ARHGAP26: variants seen among roughly 807,000 people sequenced by gnomAD.
The protein encoded by ARHGAP26 is rho GTPase-activating protein 26.
A neutral mutation model predicts 104.8 loss-of-function variants in ARHGAP26; 38 were observed. The ratio of observed to expected loss-of-function variants is 0.36; its 90% CI spans 0.28 to 0.48. The LOEUF is 0.48. Among genes scored for constraint, ARHGAP26 ranks in the 20% least tolerant of loss-of-function variants. The probability of loss-of-function intolerance (pLI) is 0.99; values close to 1 mark genes in which losing one functional copy is unlikely to be tolerated. For missense variants in ARHGAP26, 704 were observed against 947.9 expected, an observed-to-expected ratio of 0.74 and a Z score of 3.38; for synonymous variants, 341 against 340.0, an observed-to-expected ratio of 1.00 and a Z score of -0.03.
chr5:142,873,800 A>G (rs1406547849), intron 2 of ARHGAP26, among the ~76,000 whole-genome samples: 2 of 151,786 alleles, frequency 1.3e-5, no homozygotes, highest in East Asian at 3.8e-4. Context: ...CTTCAACCAT[A>G]GTACTAAGAG....
intron 1 of ARHGAP26, among the ~76,000 whole-genome samples, chr5:142,779,310 TTG>T (rs1757011217): frequency 6.6e-6 from 1 of 152,142 alleles, no homozygotes; most frequent in Non-Finnish European, 1.5e-5. Context: ...CATGGCATGT[TTG>T]TGTCTGGCTC....
Position 142,922,322 on chromosome 5 carries a change from C to T in ARHGAP26, c.1028+9029C>T, listed in dbSNP as rs940683314. On this transcript the variant is annotated intron_variant, in intron 10 of 22. Transcript: ENST00000645722. ...ATGTAACAGACTTTGTTTCAACATT[C>T]AACCTCTAGATGGCAGTTTTGTGTA... 2.0e-5 allele frequency among the ~76,000 whole-genome samples: 3 copies of T among 152,246 alleles called. No homozygotes were observed. In the East Asian group the frequency reaches 5.8e-4, roughly 29 times the overall value.
chr5:143,036,666 A>G (rs246632), intron 12 of ARHGAP26, among the ~76,000 whole-genome samples: 17,371 of 152,242 alleles, frequency 0.11, 1,384 homozygotes, highest in South Asian at 0.28. Flanking sequence ...TTGGCTCTGC[A>G]TCTTTGGTCA....
intron 17 of ARHGAP26, among the ~76,000 whole-genome samples, chr5:143,086,984 G>T (rs1305514022): frequency 6.6e-6 from 1 of 152,206 alleles, no homozygotes; most frequent in East Asian, 1.9e-4. Flanking sequence ...AATTCAGTCT[G>T]CTGAGTTTTA....
At chr5:143,222,204 T>G (rs1039127613) in intron 22 of ARHGAP26, among the ~76,000 whole-genome samples, 154 bp from the exon 23 acceptor site, 1 of 152,082 alleles carries the variant, frequency 6.6e-6, no homozygotes, top group Non-Finnish European at 1.5e-5. Flanking sequence ...TAGAATGATG[T>G]AACTTAATAA....
At chr5:143,200,139 A>G (rs893411647) in intron 20 of ARHGAP26, among the ~76,000 whole-genome samples, 4 of 152,210 alleles carry the variant, frequency 2.6e-5, no homozygotes, top group African/African-American at 9.7e-5. Flanking sequence ...GTAACCTCTG[A>G]ACACTGAAAA....
rs770691224 is a variant in ARHGAP26 at position 143,214,051 on chromosome 5, A to C, written c.2154A>C (p.Ser718=). The change falls in exon 22 of 23, where the codon TCA becomes TCC. Residue 718 remains serine (S), a synonymous_variant. Transcript: ENST00000645722. ...ALYACKAEHD[S]ELSFTAGTVF... is the part of the protein sequence containing the mutation. ...ATGCCTGCAAAGCTGAACATGACTCAGAACTTTCGTTCACAGCAGGCACGG... is the reference window on the plus strand; with the variant it reads ...ATGCCTGCAAAGCTGAACATGACTCCGAACTTTCGTTCACAGCAGGCACGG... 102 of 1,578,322 alleles carry C rather than the reference A, an allele frequency of 6.5e-5. No homozygotes were observed. Among genetic ancestry groups the C allele is most frequent in the Non-Finnish European group, 8.5e-5 (99 of 1,158,144 alleles).
At chr5:142,943,845 ACTT>A (rs1014005254) in intron 11 of ARHGAP26, among the ~76,000 whole-genome samples, 1 of 152,112 alleles carries the variant, frequency 6.6e-6, no homozygotes, top group African/African-American at 2.4e-5. Context: ...GATTACATGT[ACTT>A]CTTTAATCTT....
intron 19 of ARHGAP26, among the ~76,000 whole-genome samples, chr5:143,143,607 G>A (rs892033985): frequency 5.9e-5 from 9 of 152,090 alleles, no homozygotes; most frequent in Admixed American, 2.0e-4. Flanking sequence ...ATTCAGTCAC[G>A]CAAAACTACC....
At chr5:143,086,576 C>A (rs1005979487) in intron 17 of ARHGAP26, among the ~76,000 whole-genome samples, 2 of 152,202 alleles carry the variant, frequency 1.3e-5, no homozygotes, top group Non-Finnish European at 1.5e-5. Context: ...AAATTCTAAT[C>A]CTGGGTTCCT....
In ARHGAP26 at chr5:142,770,602, C is replaced by A; in HGVS notation, c.-160C>A. The A allele has an allele frequency of 2.6e-6, 1 of 386,850 alleles. No individual in the cohort carries two copies. The highest frequency in any genetic ancestry group is 3.7e-6 in the Non-Finnish European group (1 of 272,078). 24.0% of individuals were successfully genotyped at this position (386,850 alleles called of 1,614,324 possible). On this transcript the variant is annotated 5_prime_UTR_variant, in exon 1 of 23. Coordinates refer to ENST00000645722, the MANE Select transcript of ARHGAP26 (RefSeq NM_001135608.3). ...GTCCGAGCTCGGTTCGGGAGTCTTG[C>A]GCGCCGGCGGACACCGCGCGCGGAG...
chr5:142,963,181 T>TACAC (rs1554172165), intron 11 of ARHGAP26, among the ~76,000 whole-genome samples: 1 of 111,570 alleles, frequency 9.0e-6, no homozygotes, highest in East Asian at 3.2e-4. Context: ...TGTATATATA[T>TACAC]ATATATATAT....
rs927658472 is a variant in ARHGAP26, at chr5:142,893,121, A to G, written c.487-1117A>G. On this transcript the variant is annotated intron_variant, in intron 5 of 22. Coordinates refer to ENST00000645722, the MANE Select transcript of ARHGAP26 (RefSeq NM_001135608.3). ...TGCCTCAACCTCCCGAGTAGCTACC[A>G]TATGTGCTACCATGCCCAGCTAATT... Among the ~76,000 whole-genome samples, 6 of 151,586 alleles carry G rather than the reference A, an allele frequency of 4.0e-5. 1 individual carries two copies. In the South Asian group the frequency reaches 6.3e-4, roughly 16 times the overall value.
chr5:143,167,482 CAAAAAAAAAAAAAAAAAAAAAAA>C (rs6149274), intron 20 of ARHGAP26, among the ~76,000 whole-genome samples: 9 of 60,086 alleles, frequency 1.5e-4, no homozygotes, highest in African/African-American at 4.2e-4. Flanking sequence ...GACTCCATCT[CAAAAAAAAAAAAAAAAAAAAAAA>C]AAAAAAAAAA....
intron 11 of ARHGAP26, among the ~76,000 whole-genome samples, chr5:142,953,438 T>C (rs37212): frequency 0.21 from 32,704 of 152,136 alleles, 3,955 homozygotes; most frequent in East Asian, 0.48. Context: ...TTTAAAACTT[T>C]CATGCAAAAA....
intron 21 of ARHGAP26, among the ~76,000 whole-genome samples, chr5:143,209,037 C>T (rs1809027699): frequency 6.6e-6 from 1 of 152,224 alleles, no homozygotes; most frequent in South Asian, 2.1e-4. Flanking sequence ...AAATGCCTCA[C>T]TTACTCATTA....
At chr5:143,105,743 G>A (rs560077468) in intron 17 of ARHGAP26, among the ~76,000 whole-genome samples, 20 of 152,290 alleles carry the variant, frequency 1.3e-4, no homozygotes, top group African/African-American at 4.6e-4. Flanking sequence ...CAAGGTTCGT[G>A]GCTGTAGGCA....
chr5:143,110,189 G>A (rs1223491030), intron 17 of ARHGAP26, among the ~76,000 whole-genome samples: 2 of 152,114 alleles, frequency 1.3e-5, no homozygotes, highest in African/African-American at 4.8e-5. Context: ...CTTTCATGCT[G>A]GCTGTTTCAT....
intron 20 of ARHGAP26, among the ~76,000 whole-genome samples, chr5:143,177,576 G>A (rs1437330133): frequency 2.0e-5 from 3 of 152,136 alleles, no homozygotes; most frequent in African/African-American, 7.2e-5. Context: ...CCAGAAGTTG[G>A]GAAAAATTTC....
Sources: allele counts gnomAD v4.1 joint callset (sites outside exome capture counted in the v4.1 genomes callset), GRCh38; gene constraint gnomAD v4.1.1; transcripts MANE v1.5; gene names NCBI Gene and HGNC (gene_info 2026-07-23, HGNC 2026-07-21).